The following THADA variants were observed in gnomAD, a reference collection of about 807,000 sequenced individuals.
The protein encoded by THADA is tRNA (32-2'-O)-methyltransferase regulator THADA.
In THADA, 213 loss-of-function variants were observed where a neutral mutation model predicts 219.8. The observed-to-expected ratio is 0.97, with a 90% CI of 0.87 to 1.09. The LOEUF (loss-of-function observed/expected upper bound fraction) is 1.09. Among genes scored for constraint, THADA ranks in the 50% least tolerant of loss-of-function variants. The probability of loss-of-function intolerance (pLI) is 0.00; values close to 1 mark genes in which losing one functional copy is unlikely to be tolerated. For synonymous variants in THADA, 1,018 were observed against 828.9 expected (o/e 1.23, Z -3.92); for missense variants, 2,956 against 2,311.3 (o/e 1.28, Z -5.72).
intron 15 of THADA, chr2:43,566,296 A>G: frequency 1.9e-6 from 1 of 540,022 alleles, no homozygotes; most frequent in Non-Finnish European, 3.3e-6. Context: ...CGGCATGTAA[A>G]GGAAACCACA....
Position 43,280,006 on chromosome 2 carries a change from ATC to A in THADA, c.5165-112_5165-111del, listed in dbSNP as rs746258195. 1.8e-4 allele frequency: 195 copies of A among 1,100,220 alleles called. No homozygotes were observed. In the Middle Eastern group the frequency reaches 7.2e-3, roughly 41 times the overall value. 68.2% of individuals were successfully genotyped at this position (1,100,220 alleles called of 1,614,324 possible). A position where few individuals can be genotyped will look rare whatever the true frequency, so the allele number is the denominator to read the frequency against. Reference sequence around the variant, plus strand: ...GAGGAGCATTGAATGAGTTACAGCTATCTCTTTTTTTCTGGGTATTGTTAAGA... The same window carrying A: ...GAGGAGCATTGAATGAGTTACAGCTATCTTTTTTTCTGGGTATTGTTAAGA... On this transcript the variant is annotated intron_variant, in intron 35 of 37. Transcript: ENST00000405975.
intron 26 of THADA, among the ~76,000 whole-genome samples, chr2:43,433,775 C>A (rs1463626163): frequency 1.3e-5 from 2 of 152,078 alleles, no homozygotes; most frequent in Admixed American, 1.3e-4. Context: ...GCAACCTCTG[C>A]CTCCTAGGTT....
intron 16 of THADA, among the ~76,000 whole-genome samples, chr2:43,558,015 T>A (rs79676785): frequency 5.3e-5 from 8 of 152,328 alleles, no homozygotes; most frequent in African/African-American, 1.9e-4. Flanking sequence ...CAATTAAGCA[T>A]CTAAACCATT....
chr2:43,296,932 C>T (rs948892938), intron 31 of THADA, among the ~76,000 whole-genome samples: 74 of 149,280 alleles, frequency 5.0e-4, no homozygotes, highest in Non-Finnish European at 7.9e-4. Context: ...CCCAAAGTGC[C>T]GAGATTGCAG....
At chr2:43,532,845 T>C (rs1258823696) in intron 21 of THADA, among the ~76,000 whole-genome samples, 2 of 152,138 alleles carry the variant, frequency 1.3e-5, no homozygotes, top group African/African-American at 2.4e-5. Context: ...CAAAGACTTC[T>C]TGACTAAAAC....
At chr2:43,413,021 A>G (rs1156526343) in intron 28 of THADA, among the ~76,000 whole-genome samples, 1 of 152,210 alleles carries the variant, frequency 6.6e-6, no homozygotes, top group African/African-American at 2.4e-5. Context: ...AAAAAGAGAC[A>G]TCTTTTGGTC....
chr2:43,544,139 C>T (rs997933324), intron 20 of THADA, among the ~76,000 whole-genome samples: 3 of 152,208 alleles, frequency 2.0e-5, no homozygotes, highest in Non-Finnish European at 2.9e-5. Context: ...ATCCTCTCCC[C>T]CATTGCTTGT....
chr2:43,424,358 AT>A lies in THADA; in HGVS notation c.4058+3741del, dbSNP rs544630249. ...CTTTGCACTACTCCCACAAACTGAAATTTTTTTCTTTGGCCAAACTCATAGT... is the reference window on the plus strand; with the variant it reads ...CTTTGCACTACTCCCACAAACTGAAATTTTTTCTTTGGCCAAACTCATAGT... On this transcript the variant is annotated intron_variant, in intron 28 of 37. Transcript: ENST00000405975. 2.8e-3 allele frequency among the ~76,000 whole-genome samples: 425 copies of A among 152,262 alleles called. 1 individual carries two copies. Among genetic ancestry groups the A allele is most frequent in the Non-Finnish European group, 4.1e-3 (280 of 68,012 alleles).
intron 29 of THADA, among the ~76,000 whole-genome samples, chr2:43,394,608 T>A (rs1325136251): frequency 6.6e-6 from 1 of 152,218 alleles, no homozygotes; most frequent in Non-Finnish European, 1.5e-5. Context: ...GGTAGCTTTA[T>A]GTGGAGAGGA....
At chr2:43,561,229 A>C (rs920033272) in intron 15 of THADA, among the ~76,000 whole-genome samples, 1 of 152,190 alleles carries the variant, frequency 6.6e-6, no homozygotes, top group African/African-American at 2.4e-5. Context: ...GTAGTGCTAA[A>C]AGATAATGGA....
intron 30 of THADA, among the ~76,000 whole-genome samples, chr2:43,332,529 C>G (rs1201989260): frequency 6.6e-6 from 1 of 152,150 alleles, no homozygotes; most frequent in African/African-American, 2.4e-5. Flanking sequence ...ATTTGTGACT[C>G]TGAATTGGCT....
intron 31 of THADA, among the ~76,000 whole-genome samples, chr2:43,299,507 C>G (rs1482936313): frequency 6.6e-6 from 1 of 150,622 alleles, no homozygotes; most frequent in African/African-American, 2.4e-5. Flanking sequence ...AAAAAAAATA[C>G]AAAAATTAGC....
At chr2:43,237,991 C>T (rs1350386721) in intron 36 of THADA, among the ~76,000 whole-genome samples, 1 of 151,210 alleles carries the variant, frequency 6.6e-6, no homozygotes, top group Non-Finnish European at 1.5e-5. Context: ...TGGTGGTGGA[C>T]ACCTGTAGTC....
intron 21 of THADA, among the ~76,000 whole-genome samples, chr2:43,528,842 A>G (rs760525561): frequency 1.3e-5 from 2 of 152,078 alleles, no homozygotes; most frequent in Non-Finnish European, 2.9e-5. Context: ...TATCATTGTA[A>G]CCCTTTTTAA....
chr2:43,570,488 C>G lies in THADA; in HGVS notation c.2087G>C (p.Ser696Thr). 6.2e-7 allele frequency: 1 copy of G among 1,612,098 alleles called. No homozygotes were observed. Among genetic ancestry groups the G allele is most frequent in the Non-Finnish European group, 8.5e-7 (1 of 1,179,336 alleles). Residue 696 changes from serine to threonine, a missense_variant, in exon 14 of 38, where the codon AGT becomes ACT. Transcript: ENST00000405975. ...LKKLFCRIQE[S>T]SQVLYKLEQS... ...CTCCAATTTATAAAGTACCTGAGAACTTTCCTGTATCCTACAAAACAACTT... is the reference window on the plus strand; with the variant it reads ...CTCCAATTTATAAAGTACCTGAGAAGTTTCCTGTATCCTACAAAACAACTT...
chr2:43,566,869 G>C, intron 14 of THADA, 48 bp from the exon 15 acceptor site: 3 of 1,324,270 alleles, frequency 2.3e-6, no homozygotes, highest in Non-Finnish European at 2.0e-6. Flanking sequence ...CGTCACAATA[G>C]GTTATATTCA....
intron 29 of THADA, among the ~76,000 whole-genome samples, chr2:43,366,438 G>C (rs1196920436): frequency 1.3e-5 from 2 of 152,142 alleles, no homozygotes; most frequent in Non-Finnish European, 2.9e-5. Flanking sequence ...TGATCACCTT[G>C]ATCTCCAATC....
chr2:43,468,304 G>C (rs1363516154), intron 26 of THADA, among the ~76,000 whole-genome samples: 4 of 152,194 alleles, frequency 2.6e-5, no homozygotes, highest in Admixed American at 2.6e-4. Context: ...ACTTCTTGTG[G>C]TATTAACCAT....
At chr2:43,464,219 A>G (rs1683968060) in intron 26 of THADA, among the ~76,000 whole-genome samples, 1 of 152,220 alleles carries the variant, frequency 6.6e-6, no homozygotes, top group Non-Finnish European at 1.5e-5. Flanking sequence ...CTTGAAGAGC[A>G]ACTTCTATAA....
Sources: gnomAD v4.1 joint callset for allele counts (sites outside exome capture counted in the v4.1 genomes callset) on GRCh38, gnomAD v4.1.1 for gene constraint, MANE v1.5 for transcripts, NCBI Gene and HGNC (gene_info 2026-07-23, HGNC 2026-07-21) for gene names.